PREX2: variants seen among roughly 807,000 people sequenced by gnomAD.
The protein encoded by PREX2 is phosphatidylinositol 3,4,5-trisphosphate-dependent Rac exchanger 2 protein.
A neutral mutation model predicts 203.2 loss-of-function variants in PREX2; 107 were observed. The ratio of observed to expected loss-of-function variants is 0.53; its 90% confidence interval spans 0.45 to 0.62. The LOEUF (loss-of-function observed/expected upper bound fraction) is 0.62, where lower values mean the gene tolerates loss of function less well. Ranked by LOEUF, PREX2 falls within the 20% of genes least tolerant of loss-of-function variation. The probability of loss-of-function intolerance (pLI) is 0.00; values close to 1 mark genes in which losing one functional copy is unlikely to be tolerated. For missense variants in PREX2, 1,777 were observed against 1,955.9 expected, an observed-to-expected ratio of 0.91 and a Z score of 1.72; for synonymous variants, 672 against 663.6, an observed-to-expected ratio of 1.01 and a Z score of -0.19.
At chr8:68,051,038 G>A (rs1339300436) in intron 8 of PREX2, among the ~76,000 whole-genome samples, 1 of 152,142 alleles carries the variant, frequency 6.6e-6, no homozygotes, top group Non-Finnish European at 1.5e-5. Flanking sequence ...CACCCAATGG[G>A]TGGCTTTTGA....
rs1351123203 is a variant in PREX2 at position 68,232,304 on chromosome 8, A to G, written c.*926A>G. ...CAGACTCTTCAAAGAATACACCATC[A>G]TGAGAATTTTTCTGTTAAGATATAT... is the stretch of plus-strand genomic sequence containing the variant. On this transcript the variant is annotated 3_prime_UTR_variant, in exon 40 of 40. Coordinates refer to ENST00000288368, the MANE Select transcript of PREX2 (RefSeq NM_024870.4). 1 of 152,160 alleles carries G rather than the reference A, an allele frequency of 6.6e-6. No individual in the cohort carries two copies. Among genetic ancestry groups the G allele is most frequent in the Non-Finnish European group, 1.5e-5 (1 of 68,024 alleles). 9.4% of individuals were successfully genotyped at this position (152,160 alleles called of 1,614,324 possible). A position where few individuals can be genotyped will look rare whatever the true frequency, so the allele number is the denominator to read the frequency against.
At chr8:68,191,132 A>G (rs1812284700) in intron 35 of PREX2, among the ~76,000 whole-genome samples, 2 of 152,140 alleles carry the variant, frequency 1.3e-5, no homozygotes, top group Non-Finnish European at 1.5e-5. Flanking sequence ...TCATTACCAT[A>G]TTGTATCCTG....
At position 68,044,586 on chromosome 8, in the gene PREX2, C is replaced by T. The variant is rs1466766846; in HGVS notation, c.939C>T (p.Gly313=). ...EVMEVENVDD[G]TADFHSSGHI... ...TGGAAGTGGAGAATGTGGATGATGG[C>T]ACCGGTAAGTGATTTGTAGATTTTA... Residue 313 remains glycine, a synonymous_variant, in exon 8 of 40, where the codon GGC becomes GGT. Coordinates refer to ENST00000288368, the MANE Select transcript of PREX2 (RefSeq NM_024870.4). 10 of 1,608,084 alleles carry T rather than the reference C, an allele frequency of 6.2e-6. No homozygotes were observed. Among genetic ancestry groups the T allele is most frequent in the Non-Finnish European group, 8.5e-6 (10 of 1,175,258 alleles).
At chr8:68,230,570 A>G (rs1813149040) in intron 39 of PREX2, among the ~76,000 whole-genome samples, 2 of 152,158 alleles carry the variant, frequency 1.3e-5, no homozygotes, top group African/African-American at 4.8e-5. Flanking sequence ...TTCTGCTGTT[A>G]TCATTTAACC....
At chr8:68,207,098 A>C (rs1812640301) in intron 37 of PREX2, among the ~76,000 whole-genome samples, 1 of 152,138 alleles carries the variant, frequency 6.6e-6, no homozygotes, top group Admixed American at 6.6e-5. Flanking sequence ...TGATATAACA[A>C]TTAATAATAT....
chr8:68,186,473 A>G (rs1441214393), intron 35 of PREX2, among the ~76,000 whole-genome samples: 1 of 152,116 alleles, frequency 6.6e-6, no homozygotes, highest in Non-Finnish European at 1.5e-5. Context: ...GAAACACTGG[A>G]TGTTTTTCTA....
chr8:68,189,017 A>C (rs901181363), intron 35 of PREX2, among the ~76,000 whole-genome samples: 11 of 152,210 alleles, frequency 7.2e-5, no homozygotes, highest in African/African-American at 2.7e-4. Context: ...TCTAGTGGGG[A>C]GTTTACATTT....
chr8:68,213,274 A>G (rs1290932750), intron 37 of PREX2, among the ~76,000 whole-genome samples: 1 of 152,204 alleles, frequency 6.6e-6, no homozygotes, highest in African/African-American at 2.4e-5. Flanking sequence ...TGTAAAGAAG[A>G]CAGCAGCCAT....
At chr8:68,192,088 C>T (rs1305638907) in intron 36 of PREX2, among the ~76,000 whole-genome samples, 1 of 152,144 alleles carries the variant, frequency 6.6e-6, no homozygotes, top group East Asian at 1.9e-4. Flanking sequence ...ATGGTGTTTA[C>T]TTATTTATTC....
chr8:67,964,457 T>C (rs1169345923), intron 1 of PREX2, among the ~76,000 whole-genome samples: 1 of 152,220 alleles, frequency 6.6e-6, no homozygotes, highest in Non-Finnish European at 1.5e-5. Context: ...CAGAAAATCA[T>C]TTATATTAAT....
chr8:68,185,611 A>C (rs1228735590), intron 35 of PREX2, among the ~76,000 whole-genome samples: 1 of 152,216 alleles, frequency 6.6e-6, no homozygotes, highest in Non-Finnish European at 1.5e-5. Context: ...GGTATGCAAT[A>C]AATGCCAAGA....
At chr8:68,062,403 C>T (rs1390473852) in intron 11 of PREX2, among the ~76,000 whole-genome samples, 1 of 152,166 alleles carries the variant, frequency 6.6e-6, no homozygotes, top group Non-Finnish European at 1.5e-5. Context: ...ATTACATGCC[C>T]TAAACTTCTT....
At chr8:68,030,866 A>G (rs1807862775) in intron 6 of PREX2, among the ~76,000 whole-genome samples, 1 of 152,100 alleles carries the variant, frequency 6.6e-6, no homozygotes, top group Non-Finnish European at 1.5e-5. Context: ...TGACCCAATA[A>G]GTTTGTGATG....
intron 34 of PREX2, among the ~76,000 whole-genome samples, chr8:68,152,310 A>AAAAAAT (rs1252862943): frequency 3.9e-4 from 59 of 151,080 alleles, no homozygotes; most frequent in African/African-American, 1.4e-3. Flanking sequence ...AAAAAAAAAA[A>AAAAAAT]GATAAATCTT....
chr8:68,164,149 A>G (rs1362758767), intron 35 of PREX2, among the ~76,000 whole-genome samples: 1 of 152,140 alleles, frequency 6.6e-6, no homozygotes, highest in Admixed American at 6.5e-5. Flanking sequence ...TATCTCTCCC[A>G]GATCATTTTA....
chr8:68,154,918 A>G (rs933117627), intron 34 of PREX2, among the ~76,000 whole-genome samples: 3 of 152,306 alleles, frequency 2.0e-5, no homozygotes, highest in East Asian at 3.9e-4. Context: ...TAAAATGTTT[A>G]TTAGGGAGAA....
chr8:68,176,721 C>T (rs1038076515), intron 35 of PREX2: 1 of 152,066 alleles, frequency 6.6e-6, no homozygotes, highest in Non-Finnish European at 1.5e-5. Context: ...AGGTAGCTTT[C>T]GTGAGTTTTT....
At chr8:68,115,100 TCA>T (rs1810624056) in intron 25 of PREX2, among the ~76,000 whole-genome samples, 1 of 138,814 alleles carries the variant, frequency 7.2e-6, no homozygotes, top group Admixed American at 7.8e-5. Flanking sequence ...CGATCTCGGC[TCA>T]CCACAACCTC....
chr8:68,024,903 C>T (rs1371461963), intron 4 of PREX2, among the ~76,000 whole-genome samples: 3 of 151,864 alleles, frequency 2.0e-5, no homozygotes, highest in African/African-American at 7.2e-5. Context: ...AAGTAGGGGA[C>T]ATTTGGCTAT....
Sources: allele counts gnomAD v4.1 joint callset (sites outside exome capture counted in the v4.1 genomes callset), GRCh38; gene constraint gnomAD v4.1.1; transcripts MANE v1.5; gene names NCBI Gene and HGNC (gene_info 2026-07-23, HGNC 2026-07-21).